Variants in ERO1B observed in about 807,000 individuals in gnomAD.
ERO1B encodes the protein ERO1-like protein beta.
A neutral mutation model predicts 75.3 loss-of-function variants in ERO1B; 49 were observed. That is an observed-to-expected ratio of 0.65 (90% confidence interval 0.52 to 0.83). The LOEUF is 0.83. Among genes scored for constraint, ERO1B ranks in the 40% least tolerant of loss-of-function variants. The pLI is 0.00. For synonymous variants in ERO1B, 191 were observed against 192.9 expected (o/e 0.99, Z 0.08); for missense variants, 512 against 560.1 (o/e 0.91, Z 0.87).
At chr1:236,279,313 G>A (rs1665771460) in intron 1 of ERO1B, among the ~76,000 whole-genome samples, 1 of 151,246 alleles carries the variant, frequency 6.6e-6, no homozygotes, top group Non-Finnish European at 1.5e-5. Context: ...GACCAGCCTG[G>A]CCAACATGGT....
In ERO1B at chr1:236,226,370, C is replaced by T. The variant is rs936078584; in HGVS notation, c.951G>A (p.Val317=). ...YLIELRALSK[V]APYFERSIVD... ...CAATTGAGCGCTCAAAATATGGAGC[C>T]ACCTTTGACAAAGCTCGAAGCTCAA... Residue 317 remains valine, a synonymous_variant, in exon 12 of 16, where the codon GTG becomes GTA. Transcript: ENST00000354619. 6.2e-7 allele frequency: 1 copy of T among 1,614,052 alleles called. No homozygotes were observed. Among genetic ancestry groups the T allele is most frequent in the Non-Finnish European group, 8.5e-7 (1 of 1,179,986 alleles).
intron 2 of ERO1B, among the ~76,000 whole-genome samples, chr1:236,255,098 C>T (rs1370331494): frequency 2.8e-4 from 37 of 133,428 alleles, no homozygotes; most frequent in Admixed American, 1.2e-3. Flanking sequence ...TTTTTTTTTT[C>T]TTTCTTTTTT....
At chr1:236,258,334 G>A (rs1305931613) in intron 2 of ERO1B, among the ~76,000 whole-genome samples, 1 of 151,946 alleles carries the variant, frequency 6.6e-6, no homozygotes, top group Admixed American at 6.6e-5. Context: ...GTAAATTATA[G>A]GCAAAATTTT....
rs1663981714 is a variant in ERO1B at position 236,216,487 on chromosome 1, C to T, written c.*2029G>A. Reference sequence around the variant, plus strand: ...GATGAATTTCAGCCTAAGAATACTTCATTTATTTTCTTAGTTGTGAAAAAA... The same window carrying T: ...GATGAATTTCAGCCTAAGAATACTTTATTTATTTTCTTAGTTGTGAAAAAA... On this transcript the variant is annotated 3_prime_UTR_variant, in exon 16 of 16. Transcript: ENST00000354619. The T allele has an allele frequency of 6.6e-6, 1 of 152,010 alleles. No homozygotes were observed. Among genetic ancestry groups the T allele is most frequent in the Non-Finnish European group, 1.5e-5 (1 of 67,968 alleles). 9.4% of individuals were successfully genotyped at this position (152,010 alleles called of 1,614,324 possible).
chr1:236,243,401 TATAATA>T lies in ERO1B; in HGVS notation c.505+15_505+20del, dbSNP rs1318037443. The stretch of plus-strand genomic sequence containing the variant: ...AGGGTTAAAGTTAAAATAATTTAAT[TATAATA>T]GTTTATTGTATTACCATCAAGTTCA... On this transcript the variant is annotated intron_variant, in intron 6 of 15. Transcript: ENST00000354619. 6.9e-7 allele frequency: 1 copy of T among 1,444,214 alleles called. No homozygotes were observed. The highest frequency in any genetic ancestry group is 9.4e-7 in the Non-Finnish European group (1 of 1,059,026). The allele number at this position is 1,444,214 out of a possible 1,614,324, so 89.5% of individuals were successfully genotyped here. A position where few individuals can be genotyped will look rare whatever the true frequency, so the allele number is the denominator to read the frequency against.
At chr1:236,277,297 G>T (rs71642840) in intron 1 of ERO1B, among the ~76,000 whole-genome samples, 2,374 of 152,150 alleles carry the variant, frequency 0.016, 18 homozygotes, top group Middle Eastern at 0.034. Context: ...CCAGCTACTT[G>T]GGAGGCTGAG....
intron 10 of ERO1B, among the ~76,000 whole-genome samples, chr1:236,227,687 A>AT (rs1006546722): frequency 4.0e-5 from 6 of 151,510 alleles, no homozygotes; most frequent in South Asian, 2.1e-4. Context: ...GATGGGGGAA[A>AT]TTTTTTTTTA....
intron 1 of ERO1B, among the ~76,000 whole-genome samples, chr1:236,273,163 A>C (rs1444316741): frequency 6.6e-6 from 1 of 152,190 alleles, no homozygotes; most frequent in African/African-American, 2.4e-5. Context: ...GGAAGGCGGG[A>C]GTGTCAGAGT....
intron 6 of ERO1B, among the ~76,000 whole-genome samples, chr1:236,239,809 GTGTA>G (rs1390640298): frequency 1.3e-4 from 6 of 47,260 alleles, no homozygotes; most frequent in African/African-American, 2.3e-4. Context: ...ATATATATGT[GTGTA>G]TATATATATG....
At chr1:236,226,856 G>T in intron 10 of ERO1B, 117 bp from the exon 11 acceptor site, 1 of 737,072 alleles carries the variant, frequency 1.4e-6, no homozygotes, top group Non-Finnish European at 2.2e-6. Flanking sequence ...ATAAATCAAG[G>T]AATAATATAA....
intron 13 of ERO1B, among the ~76,000 whole-genome samples, chr1:236,222,965 G>A (rs1265147732): frequency 6.6e-6 from 1 of 152,074 alleles, no homozygotes; most frequent in Non-Finnish European, 1.5e-5. Context: ...CAGCACTTTG[G>A]GAGACCAAGG....
At chr1:236,270,370 G>A (rs1665563191) in intron 1 of ERO1B, among the ~76,000 whole-genome samples, 1 of 152,008 alleles carries the variant, frequency 6.6e-6, no homozygotes, top group Admixed American at 6.6e-5. Context: ...TTTCCTTTAG[G>A]TGGCCATTTA....
chr1:236,281,365 C>T (rs1256867846), intron 1 of ERO1B: 1 of 225,838 alleles, frequency 4.4e-6, no homozygotes, highest in Non-Finnish European at 8.6e-6. Flanking sequence ...TCATGCCCGT[C>T]CCATCTCCCG....
chr1:236,217,361 TATGA>T lies in ERO1B; in HGVS notation c.*1151_*1154del, dbSNP rs1664017353. On this transcript the variant is annotated 3_prime_UTR_variant, in exon 16 of 16. Transcript: ENST00000354619. ...GAAAATGACAGTTTAGGACTGTTGG[TATGA>T]ATCACAGAAAGTCCTCTGTTGGTAT... The T allele has an allele frequency of 4.5e-5, 2 of 43,978 alleles. No homozygotes were observed. Among genetic ancestry groups the T allele is most frequent in the Admixed American group, 3.1e-4 (1 of 3,192 alleles). 2.7% of individuals were successfully genotyped at this position (43,978 alleles called of 1,614,324 possible).
chr1:236,278,238 G>A (rs544436036), intron 1 of ERO1B, among the ~76,000 whole-genome samples: 4 of 152,238 alleles, frequency 2.6e-5, no homozygotes, highest in East Asian at 1.9e-4. Flanking sequence ...GCGAACCTGT[G>A]TGAGGACTGT....
intron 5 of ERO1B, among the ~76,000 whole-genome samples, chr1:236,245,323 C>CACGTATATATATACGTATAT (rs1558513105): frequency 6.0e-4 from 7 of 11,680 alleles, no homozygotes; most frequent in Non-Finnish European, 1.2e-3. Context: ...TATATATATA[C>CACGTATATATATACGTATAT]ACACACGTAT....
chr1:236,241,388 A>G (rs201009911), intron 6 of ERO1B, among the ~76,000 whole-genome samples: 2 of 69,874 alleles, frequency 2.9e-5, no homozygotes, highest in Admixed American at 1.6e-4. Context: ...TACTAAAAAT[A>G]AAAAAAAAAA....
chr1:236,251,978 G>A (rs2102956707), intron 4 of ERO1B, 72 bp downstream of exon 4: 2 of 1,120,046 alleles, frequency 1.8e-6, no homozygotes, highest in South Asian at 2.7e-5. Context: ...CTTTACTACA[G>A]CCACTGTCAG....
chr1:236,265,943 T>C (rs1665424488), intron 2 of ERO1B, among the ~76,000 whole-genome samples: 1 of 152,216 alleles, frequency 6.6e-6, no homozygotes, highest in Non-Finnish European at 1.5e-5. Flanking sequence ...ATACCTTATT[T>C]TCCCAAATAC....
Sources: allele counts gnomAD v4.1 joint callset (sites outside exome capture counted in the v4.1 genomes callset), GRCh38; gene constraint gnomAD v4.1.1; transcripts MANE v1.5; gene names NCBI Gene and HGNC (gene_info 2026-07-23, HGNC 2026-07-21).